Variants in PSTPIP2 observed in about 807,000 individuals in gnomAD.
PSTPIP2 encodes the protein proline-serine-threonine phosphatase interacting protein 2.
Under a neutral mutation model 63.3 loss-of-function variants are expected in PSTPIP2, and 33 were observed. That is an observed-to-expected ratio of 0.52 (90% CI 0.40 to 0.70). The LOEUF is 0.70. Among genes scored for constraint, PSTPIP2 ranks in the 30% least tolerant of loss-of-function variants. The probability of loss-of-function intolerance (pLI) is 0.00; values close to 1 mark genes in which losing one functional copy is unlikely to be tolerated. For missense variants in PSTPIP2, 312 were observed against 400.7 expected, an observed-to-expected ratio of 0.78 and a Z score of 1.89; for synonymous variants, 125 against 132.7, an observed-to-expected ratio of 0.94 and a Z score of 0.40.
chr18:46,003,754 GTTT>G (rs61114152), intron 6 of PSTPIP2, among the ~76,000 whole-genome samples: 1 of 130,422 alleles, frequency 7.7e-6, no homozygotes, highest in Non-Finnish European at 1.6e-5. Flanking sequence ...CCCTTTCAGA[GTTT>G]TTTTTTTTTT....
In PSTPIP2 at chr18:45,985,105, G is replaced by A; in HGVS notation, c.*354C>T. The A allele has an allele frequency of 3.3e-6, 1 of 300,210 alleles. No individual in the cohort carries two copies. The highest frequency in any genetic ancestry group is 6.1e-6 in the Non-Finnish European group (1 of 164,924). The allele number at this position is 300,210 out of a possible 1,614,324, so 18.6% of individuals were successfully genotyped here. A position where few individuals can be genotyped will look rare whatever the true frequency, so the allele number is the denominator to read the frequency against. ...CAAAGCCAAAGGAGCCACTACTGCAGTTGGTGGCTCAGAATCCTCTGCTGC... is the reference window on the plus strand; with the variant it reads ...CAAAGCCAAAGGAGCCACTACTGCAATTGGTGGCTCAGAATCCTCTGCTGC... On this transcript the variant is annotated 3_prime_UTR_variant, in exon 15 of 15. Coordinates refer to ENST00000409746, the MANE Select transcript of PSTPIP2 (RefSeq NM_024430.4).
At position 45,985,254 on chromosome 18, in the gene PSTPIP2, T is replaced by G. The variant is rs1342661203; in HGVS notation, c.*205A>C. On this transcript the variant is annotated 3_prime_UTR_variant, in exon 15 of 15. Transcript: ENST00000409746. Reference sequence around the variant, plus strand: ...GAATAATTCTTCAGAATGGGGCAATTTGTAAACTTCAAAAAACTGCAGAAC... The same window carrying G: ...GAATAATTCTTCAGAATGGGGCAATGTGTAAACTTCAAAAAACTGCAGAAC... The G allele has an allele frequency of 3.2e-6, 2 of 634,818 alleles. No individual in the cohort carries two copies. The highest frequency in any genetic ancestry group is 5.3e-6 in the Non-Finnish European group (2 of 380,260). The allele number at this position is 634,818 out of a possible 1,614,324, so 39.3% of individuals were successfully genotyped here. A position where few individuals can be genotyped will look rare whatever the true frequency, so the allele number is the denominator to read the frequency against.
chr18:46,015,816 G>A lies in PSTPIP2; in HGVS notation c.247+87C>T. The A allele has an allele frequency of 3.5e-6, 5 of 1,419,974 alleles. No individual in the cohort carries two copies. In the South Asian group the frequency reaches 4.9e-5, roughly 14 times the overall value. The allele number at this position is 1,419,974 out of a possible 1,614,324, so 88.0% of individuals were successfully genotyped here. On this transcript the variant is annotated intron_variant, in intron 4 of 14. Coordinates refer to ENST00000409746, the MANE Select transcript of PSTPIP2 (RefSeq NM_024430.4). Reference sequence around the variant, plus strand: ...ATTTTTTTTCACCCACTATGAAACTGCTGTTCAAATTAAAACACACCTTTG... The same window carrying A: ...ATTTTTTTTCACCCACTATGAAACTACTGTTCAAATTAAAACACACCTTTG...
At chr18:45,998,404 T>C (rs1035180461) in intron 8 of PSTPIP2, among the ~76,000 whole-genome samples, 1 of 152,216 alleles carries the variant, frequency 6.6e-6, no homozygotes, top group South Asian at 2.1e-4. Flanking sequence ...CTACCGGGGC[T>C]GAAATGGTCT....
At chr18:46,070,781 A>G (rs1219883535) in intron 1 of PSTPIP2, among the ~76,000 whole-genome samples, 1 of 152,158 alleles carries the variant, frequency 6.6e-6, no homozygotes, top group African/African-American at 2.4e-5. Flanking sequence ...CGGCCTCCCA[A>G]CGTGCTGGGA....
rs1191604563 is a variant in PSTPIP2, at chr18:46,011,169, T to C, written c.354+12A>G. ...AGGAAAGGAAACACCTTAACACGTA[T>C]GCAAATCCAACCTTTTTTCGTTGTA... On this transcript the variant is annotated intron_variant, in intron 5 of 14. Transcript: ENST00000409746. 1.9e-6 allele frequency: 3 copies of C among 1,603,900 alleles called. No homozygotes were observed. The highest frequency in any genetic ancestry group is 2.2e-5 in the South Asian group (2 of 90,870).
intron 1 of PSTPIP2, among the ~76,000 whole-genome samples, chr18:46,041,583 C>T (rs1230625004): frequency 1.3e-5 from 2 of 152,092 alleles, no homozygotes; most frequent in Non-Finnish European, 2.9e-5. Flanking sequence ...TTCTACTGTG[C>T]TCTCCAAGGT....
chr18:46,029,157 A>G (rs1253278777), intron 2 of PSTPIP2: 3 of 924,678 alleles, frequency 3.2e-6, no homozygotes, highest in African/African-American at 1.6e-5. Context: ...TACTCACAGC[A>G]AGGTTTTTTA....
At chr18:46,028,497 G>A (rs1907675334) in intron 2 of PSTPIP2, 1 of 636,230 alleles carries the variant, frequency 1.6e-6, no homozygotes, top group Admixed American at 1.9e-5. Context: ...GGTCTTCGGC[G>A]ATGTCGAGGA....
rs1907847754 is a variant in PSTPIP2, at chr18:46,033,318, T to C, written c.134+6629A>G. ...CTTAGACTGTGACCTTATTTGGAAA[T>C]AGGGTCATTGCAGACGTAATTGTTG... On this transcript the variant is annotated intron_variant, in intron 2 of 14. Transcript: ENST00000409746. Among the ~76,000 whole-genome samples, 3 of 152,180 alleles carry C rather than the reference T, an allele frequency of 2.0e-5. 1 individual carries two copies. In the South Asian group the frequency reaches 6.2e-4, roughly 31 times the overall value.
chr18:46,002,780 A>AC (rs35949928), intron 6 of PSTPIP2, among the ~76,000 whole-genome samples: 57,196 of 151,700 alleles, frequency 0.38, 11,595 homozygotes, highest in South Asian at 0.55. Context: ...ACATTGTGAG[A>AC]CCCCCCCATC....
At chr18:46,034,944 C>A (rs1422845511) in intron 2 of PSTPIP2, among the ~76,000 whole-genome samples, 1 of 151,990 alleles carries the variant, frequency 6.6e-6, no homozygotes, top group Non-Finnish European at 1.5e-5. Context: ...TATGATTAAC[C>A]CTATTTTTAT....
chr18:45,990,787 A>G (rs2051521235), intron 12 of PSTPIP2, 31 bp from the exon 13 acceptor site: 3 of 1,542,636 alleles, frequency 1.9e-6, no homozygotes, highest in South Asian at 2.3e-5. Context: ...AGTATTTTAG[A>G]TAAGTTCTTG....
chr18:46,060,768 C>T (rs1908960051), intron 1 of PSTPIP2, among the ~76,000 whole-genome samples: 1 of 152,220 alleles, frequency 6.6e-6, no homozygotes, highest in Non-Finnish European at 1.5e-5. Context: ...TTTCTTTGCC[C>T]TCTGAGAGCA....
chr18:46,051,956 C>A (rs1908596663), intron 1 of PSTPIP2, among the ~76,000 whole-genome samples: 1 of 152,210 alleles, frequency 6.6e-6, no homozygotes, highest in African/African-American at 2.4e-5. Flanking sequence ...GAAATGCAGA[C>A]CCCACGGGTC....
At chr18:46,046,565 T>C (rs1378805973) in intron 1 of PSTPIP2, among the ~76,000 whole-genome samples, 1 of 152,188 alleles carries the variant, frequency 6.6e-6, no homozygotes, top group Admixed American at 6.5e-5. Context: ...TGACTTGGAA[T>C]GCAGTTTGAC....
At chr18:46,058,457 A>G (rs1193103803) in intron 1 of PSTPIP2, among the ~76,000 whole-genome samples, 3 of 151,962 alleles carry the variant, frequency 2.0e-5, no homozygotes, top group Non-Finnish European at 4.4e-5. Context: ...CCCGGGTTCA[A>G]GCAACTCTCC....
intron 2 of PSTPIP2, among the ~76,000 whole-genome samples, chr18:46,031,390 G>A (rs1373903287): frequency 6.6e-6 from 1 of 152,130 alleles, no homozygotes; most frequent in Non-Finnish European, 1.5e-5. Flanking sequence ...GTCTTAGACA[G>A]TACTCAGTAC....
At chr18:46,022,590 G>A (rs955896909) in intron 3 of PSTPIP2, among the ~76,000 whole-genome samples, 3 of 152,032 alleles carry the variant, frequency 2.0e-5, no homozygotes, top group Non-Finnish European at 4.4e-5. Flanking sequence ...GAAAACATGA[G>A]ACCCCTTGTT....
Sources: gnomAD v4.1 joint callset for allele counts (sites outside exome capture counted in the v4.1 genomes callset) on GRCh38, gnomAD v4.1.1 for gene constraint, MANE v1.5 for transcripts, NCBI Gene and HGNC (gene_info 2026-07-23, HGNC 2026-07-21) for gene names.